MMP16: variants seen among roughly 807,000 people sequenced by gnomAD.
MMP16 encodes matrix metallopeptidase 16, also known as matrix metalloproteinase-16.
Under a neutral mutation model 67.8 loss-of-function variants are expected in MMP16, and 12 were observed. That is an observed-to-expected ratio of 0.18 (90% confidence interval 0.11 to 0.29). The LOEUF is 0.29. Among genes scored for constraint, MMP16 ranks in the 10% least tolerant of loss-of-function variants. MMP16 has a pLI of 1.00. For missense variants in MMP16, 475 were observed against 765.7 expected (o/e 0.62, Z 4.48); for synonymous variants, 249 against 255.9 (o/e 0.97, Z 0.26).
chr8:88,187,549 T>C (rs1169098947), intron 2 of MMP16, among the ~76,000 whole-genome samples: 1 of 152,120 alleles, frequency 6.6e-6, no homozygotes, highest in African/African-American at 2.4e-5. Context: ...TGAAAAACAA[T>C]CAATTTTTGG....
rs1245988385 is a variant in MMP16, at chr8:88,138,831, T to TACATAC, written c.710-19976_710-19971dup. Among the ~76,000 whole-genome samples, 432 of 152,208 alleles carry TACATAC rather than the reference T, an allele frequency of 2.8e-3. 2 individuals are homozygous for TACATAC. Among genetic ancestry groups the TACATAC allele is most frequent in the African/African-American group, 0.01 (421 of 41,562 alleles). ...ATACACACACATACACATATACATA[T>TACATAC]ACATACATATGCATGTTATTTTATC... On this transcript the variant is annotated intron_variant, in intron 4 of 9. Coordinates refer to ENST00000286614, the MANE Select transcript of MMP16 (RefSeq NM_005941.5).
chr8:88,149,750 A>C (rs1480878115), intron 4 of MMP16, among the ~76,000 whole-genome samples: 1 of 152,030 alleles, frequency 6.6e-6, no homozygotes, highest in African/African-American at 2.4e-5. Flanking sequence ...ATAAAACCAC[A>C]AAGATGGGGG....
chr8:88,157,137 G>A (rs1165619717), intron 4 of MMP16, among the ~76,000 whole-genome samples: 1 of 152,014 alleles, frequency 6.6e-6, no homozygotes, highest in East Asian at 1.9e-4. Context: ...CCCTATCCAT[G>A]GCTTTTGCAT....
intron 1 of MMP16, among the ~76,000 whole-genome samples, chr8:88,321,753 T>A (rs1197049522): frequency 6.6e-6 from 1 of 152,182 alleles, no homozygotes; most frequent in African/African-American, 2.4e-5. Flanking sequence ...CTTACGACTA[T>A]AAAATTTCAA....
At chr8:88,104,605 C>T (rs975023065) in intron 6 of MMP16, among the ~76,000 whole-genome samples, 10 of 149,006 alleles carry the variant, frequency 6.7e-5, no homozygotes, top group Non-Finnish European at 1.2e-4. Context: ...AAATGCAGTA[C>T]GTAACACTTG....
At chr8:88,246,882 A>C (rs575547904) in intron 1 of MMP16, among the ~76,000 whole-genome samples, 6 of 152,314 alleles carry the variant, frequency 3.9e-5, no homozygotes, top group African/African-American at 1.4e-4. Context: ...AGAAGTCAAA[A>C]ATAAATTTTA....
At chr8:88,146,341 A>T (rs1808289303) in intron 4 of MMP16, among the ~76,000 whole-genome samples, 1 of 151,998 alleles carries the variant, frequency 6.6e-6, no homozygotes, top group Admixed American at 6.6e-5. Flanking sequence ...AAAACAGAAT[A>T]TTGCCGACTC....
intron 4 of MMP16, among the ~76,000 whole-genome samples, chr8:88,135,920 C>T (rs1482230444): frequency 1.3e-5 from 2 of 151,716 alleles, no homozygotes; most frequent in Non-Finnish European, 2.9e-5. Context: ...AATGCTCTTA[C>T]AGGTTTTTAT....
chr8:88,050,215 C>T (rs545393893), intron 8 of MMP16, among the ~76,000 whole-genome samples: 120 of 152,162 alleles, frequency 7.9e-4, no homozygotes, highest in South Asian at 2.3e-3. Context: ...CCCAGCTAGT[C>T]GGGAGGCTGA....
intron 1 of MMP16, among the ~76,000 whole-genome samples, chr8:88,264,591 A>C (rs1287365611): frequency 1.3e-5 from 2 of 152,208 alleles, no homozygotes; most frequent in Non-Finnish European, 2.9e-5. Context: ...GAGTATCATT[A>C]TGAAGCAAGT....
intron 1 of MMP16, among the ~76,000 whole-genome samples, chr8:88,257,756 T>C (rs992099075): frequency 9.8e-5 from 15 of 152,308 alleles, no homozygotes; most frequent in African/African-American, 3.6e-4. Context: ...TTTCATTTTA[T>C]AAACATGAAC....
chr8:88,293,157 T>C (rs1810952849), intron 1 of MMP16, among the ~76,000 whole-genome samples: 2 of 152,178 alleles, frequency 1.3e-5, no homozygotes, highest in Admixed American at 1.3e-4. Context: ...CTTGATTATT[T>C]TAAATAGATA....
intron 1 of MMP16, among the ~76,000 whole-genome samples, chr8:88,201,047 G>T (rs1032113922): frequency 2.8e-5 from 4 of 140,982 alleles, no homozygotes; most frequent in African/African-American, 1.1e-4. Flanking sequence ...ACAAATGCAA[G>T]AACAATTTTT....
chr8:88,093,567 C>T (rs1388547235), intron 6 of MMP16, among the ~76,000 whole-genome samples: 1 of 151,766 alleles, frequency 6.6e-6, no homozygotes, highest in Non-Finnish European at 1.5e-5. Context: ...AAATAGAAAG[C>T]AATTCTGATT....
intron 7 of MMP16, among the ~76,000 whole-genome samples, chr8:88,061,452 C>T (rs1808399243): frequency 6.6e-6 from 1 of 151,992 alleles, no homozygotes; most frequent in African/African-American, 2.4e-5. Flanking sequence ...TGTGTCAGCT[C>T]AACTCAGTTG....
At chr8:88,147,824 C>T (rs1808320415) in intron 4 of MMP16, among the ~76,000 whole-genome samples, 1 of 151,494 alleles carries the variant, frequency 6.6e-6, no homozygotes, top group South Asian at 2.1e-4. Flanking sequence ...GTTTATGCTG[C>T]TTTGAATATA....
intron 1 of MMP16, among the ~76,000 whole-genome samples, chr8:88,228,882 C>A (rs1045731873): frequency 6.6e-6 from 1 of 151,938 alleles, no homozygotes; most frequent in African/African-American, 2.4e-5. Flanking sequence ...CACTACAGGC[C>A]GGGCATGATG....
chr8:88,145,831 G>C (rs1185689448), intron 4 of MMP16, among the ~76,000 whole-genome samples: 1 of 151,976 alleles, frequency 6.6e-6, no homozygotes, highest in Non-Finnish European at 1.5e-5. Flanking sequence ...GGGACAGTTA[G>C]AAAAGACTGA....
At chr8:88,185,288 G>A (rs1252394493) in intron 3 of MMP16, among the ~76,000 whole-genome samples, 2 of 151,944 alleles carry the variant, frequency 1.3e-5, no homozygotes, top group African/African-American at 2.4e-5. Flanking sequence ...GGGAAATCCT[G>A]TGTCTACAAA....
Sources: gnomAD v4.1 joint callset for allele counts (sites outside exome capture counted in the v4.1 genomes callset) on GRCh38, gnomAD v4.1.1 for gene constraint, MANE v1.5 for transcripts, NCBI Gene and HGNC (gene_info 2026-07-23, HGNC 2026-07-21) for gene names.